CEMIP: variants seen among roughly 807,000 people sequenced by gnomAD.
CEMIP encodes cell migration inducing hyaluronidase 1.
CEMIP carries 105 observed loss-of-function variants against 156.9 expected under a neutral mutation model. The observed-to-expected ratio is 0.67, with a 90% CI of 0.57 to 0.79. CEMIP has a LOEUF of 0.79. Ranked by LOEUF, CEMIP falls within the 30% of genes least tolerant of loss-of-function variation. The probability of loss-of-function intolerance (pLI) is 0.00; values close to 1 mark genes in which losing one functional copy is unlikely to be tolerated. For missense variants in CEMIP, 1,457 were observed against 1,769.4 expected, an observed-to-expected ratio of 0.82 and a Z score of 3.17; for synonymous variants, 676 against 668.4, an observed-to-expected ratio of 1.01 and a Z score of -0.17.
At chr15:80,948,664 A>T in intron 29 of CEMIP, 133 bp from the exon 30 acceptor site, 1 of 1,194,886 alleles carries the variant, frequency 8.4e-7, no homozygotes, top group Non-Finnish European at 1.2e-6. Flanking sequence ...GCTCTTCCCA[A>T]GGGGCCACAG....
At chr15:80,797,142 G>A (rs2141593114) in intron 1 of CEMIP, among the ~76,000 whole-genome samples, 1 of 152,274 alleles carries the variant, frequency 6.6e-6, no homozygotes, top group African/African-American at 2.4e-5. Context: ...TGACGAACCT[G>A]GCCAGAACTG....
chr15:80,790,839 C>T (rs576591007), intron 1 of CEMIP, among the ~76,000 whole-genome samples: 2 of 152,278 alleles, frequency 1.3e-5, no homozygotes, highest in Non-Finnish European at 2.9e-5. Context: ...GAGATGACTC[C>T]GTTGCATTTC....
Position 80,808,164 on chromosome 15 carries a change from A to G in CEMIP, c.-176+28550A>G, listed in dbSNP as rs59735462. Among the ~76,000 whole-genome samples, 1,178 of 152,304 alleles carry G rather than the reference A, an allele frequency of 7.7e-3. 13 individuals are homozygous for G. Among genetic ancestry groups the G allele is most frequent in the African/African-American group, 0.027 (1,107 of 41,538 alleles). The stretch of plus-strand genomic sequence containing the variant: ...TCTTTATAGATGAAGCTAAGGCTCA[A>G]TAGGGAGAACTAAGTCATCCAAGAT... On this transcript the variant is annotated intron_variant, in intron 1 of 29. Coordinates refer to ENST00000394685, the MANE Select transcript of CEMIP (RefSeq NM_001293298.2).
intron 1 of CEMIP, among the ~76,000 whole-genome samples, chr15:80,791,730 T>C (rs576262192): frequency 6.6e-6 from 1 of 152,316 alleles, no homozygotes; most frequent in South Asian, 2.1e-4. Flanking sequence ...TTGTGAGCTG[T>C]GCAGATATTA....
rs1256499352 is a variant in CEMIP, at chr15:80,895,885, A to C, written c.1236A>C (p.Thr412=). Residue 412 remains threonine, a synonymous_variant, in exon 12 of 30, where the codon ACA becomes ACC. Coordinates refer to ENST00000394685, the MANE Select transcript of CEMIP (RefSeq NM_001293298.2). Reference sequence around the variant, plus strand: ...GGGTTACAGTGAGGCCCAAACTCACAGTCACCATTGACACCAATGTGAACA... The same window carrying C: ...GGGTTACAGTGAGGCCCAAACTCACCGTCACCATTGACACCAATGTGAACA... ...LCGKPVRPKL[T]VTIDTNVNST... 3 of 1,614,092 alleles carry C rather than the reference A, an allele frequency of 1.9e-6. No homozygotes were observed. Among genetic ancestry groups the C allele is most frequent in the Non-Finnish European group, 2.5e-6 (3 of 1,180,034 alleles).
At chr15:80,842,732 C>CA (rs200649257) in intron 1 of CEMIP, among the ~76,000 whole-genome samples, 17 of 149,924 alleles carry the variant, frequency 1.1e-4, no homozygotes, top group East Asian at 3.9e-4. Flanking sequence ...GACTCCATCT[C>CA]AAAAAAAAAG....
chr15:80,850,286 C>CT (rs551663934), intron 1 of CEMIP, among the ~76,000 whole-genome samples: 293 of 151,908 alleles, frequency 1.9e-3, no homozygotes, highest in African/African-American at 6.9e-3. Flanking sequence ...TTGTCATCTT[C>CT]TTTTTTTTGA....
At chr15:80,836,287 C>G (rs1003915000) in intron 1 of CEMIP, among the ~76,000 whole-genome samples, 6 of 152,160 alleles carry the variant, frequency 3.9e-5, no homozygotes, top group Non-Finnish European at 8.8e-5. Context: ...GCATCTTTTT[C>G]AGGACTGGTG....
chr15:80,901,176 T>TA (rs1899520959), intron 12 of CEMIP, among the ~76,000 whole-genome samples: 1 of 152,126 alleles, frequency 6.6e-6, no homozygotes, highest in South Asian at 2.1e-4. Context: ...ATGCCACTAT[T>TA]AGCTAGAATT....
rs776099472 is a variant in CEMIP, at chr15:80,906,674, T to C, written c.1423T>C (p.Tyr475His). The change falls in exon 13 of 30, where the codon TAC becomes CAC. Residue 475 changes from tyrosine (Y) to histidine (H), a missense_variant. This residue lies in a region of CEMIP where 280 missense variants were observed against 300.3 expected (regional missense o/e 0.93). Coordinates refer to ENST00000394685, the MANE Select transcript of CEMIP (RefSeq NM_001293298.2). The surrounding 1 kb of genome is among the most constrained non-coding windows in gnomAD (Gnocchi z 4.3). ...NQVKVAGKPM[Y>H]LHIGEEIDGV... ...CCTTTCTGCCCTAGGGAAACCAATGTACCTGCACATCGGGGAGGAGATAGA... is the reference window on the plus strand; with the variant it reads ...CCTTTCTGCCCTAGGGAAACCAATGCACCTGCACATCGGGGAGGAGATAGA... 2 of 1,613,684 alleles carry C rather than the reference T, an allele frequency of 1.2e-6. No homozygotes were observed. Among genetic ancestry groups the C allele is most frequent in the Non-Finnish European group, 1.7e-6 (2 of 1,179,676 alleles).
At chr15:80,928,874 C>G in intron 19 of CEMIP, 28 bp from the exon 20 acceptor site, 1 of 1,613,090 alleles carries the variant, frequency 6.2e-7, no homozygotes, top group Non-Finnish European at 8.5e-7. Context: ...AGGGCATGCT[C>G]TGACTATCTA....
intron 1 of CEMIP, among the ~76,000 whole-genome samples, chr15:80,792,585 A>G (rs1234319770): frequency 2.0e-5 from 3 of 152,260 alleles, no homozygotes; most frequent in Non-Finnish European, 4.4e-5. Context: ...ATGATCTTGT[A>G]CATACTAGGT....
chr15:80,825,626 C>T (rs766189267), intron 1 of CEMIP, among the ~76,000 whole-genome samples: 8 of 152,210 alleles, frequency 5.3e-5, no homozygotes, highest in Non-Finnish European at 1.5e-5. Flanking sequence ...AAAGCCATTG[C>T]GCCTTCTCAT....
chr15:80,903,542 T>C (rs1187277074), intron 12 of CEMIP, among the ~76,000 whole-genome samples: 2 of 152,210 alleles, frequency 1.3e-5, no homozygotes, highest in Non-Finnish European at 2.9e-5. Flanking sequence ...AGAGGGTATG[T>C]GGGAGTGATG....
At chr15:80,855,080 AG>A (rs1273265129) in intron 1 of CEMIP, among the ~76,000 whole-genome samples, 2 of 152,330 alleles carry the variant, frequency 1.3e-5, no homozygotes, top group African/African-American at 4.8e-5. Flanking sequence ...CTAGCCACTC[AG>A]GTGGCTGAGA....
At chr15:80,929,250 TG>T in intron 21 of CEMIP, 76 bp downstream of exon 21, 1 of 1,548,276 alleles carries the variant, frequency 6.5e-7, no homozygotes, top group Non-Finnish European at 8.9e-7. Flanking sequence ...AAAAAGTTAA[TG>T]GGTAGTTTCT....
intron 7 of CEMIP, among the ~76,000 whole-genome samples, chr15:80,884,945 T>C (rs1898784765): frequency 6.6e-6 from 1 of 152,186 alleles, no homozygotes; most frequent in African/African-American, 2.4e-5. Flanking sequence ...AGGATACATA[T>C]GCAGGACGTG....
chr15:80,825,396 G>GA lies in CEMIP; in HGVS notation c.-176+45789dup, dbSNP rs559673447. On this transcript the variant is annotated intron_variant, in intron 1 of 29. Coordinates refer to ENST00000394685, the MANE Select transcript of CEMIP (RefSeq NM_001293298.2). ...ACATAGTAGTGAATAGCTGAACCAG[G>GA]AAAAAAATGTACAATTCCTAACTTC... Among the ~76,000 whole-genome samples, 341 of 152,210 alleles carry GA rather than the reference G, an allele frequency of 2.2e-3. 2 individuals are homozygous for GA. Among genetic ancestry groups the GA allele is most frequent in the African/African-American group, 7.9e-3 (327 of 41,538 alleles).
chr15:80,878,887 C>T lies in CEMIP; in HGVS notation c.241+20C>T. On this transcript the variant is annotated intron_variant, in intron 4 of 29. Coordinates refer to ENST00000394685, the MANE Select transcript of CEMIP (RefSeq NM_001293298.2). Reference sequence around the variant, plus strand: ...AGGGAGGTAAGCCAATCTCTCTCTGCTGCTCCCTCTTCCCTCCACTGCCCC... The same window carrying T: ...AGGGAGGTAAGCCAATCTCTCTCTGTTGCTCCCTCTTCCCTCCACTGCCCC... 1 of 1,614,058 alleles carries T rather than the reference C, an allele frequency of 6.2e-7. No individual in the cohort carries two copies. The highest frequency in any genetic ancestry group is 8.5e-7 in the Non-Finnish European group (1 of 1,179,916).
Sources: gnomAD v4.1 joint callset for allele counts (sites outside exome capture counted in the v4.1 genomes callset) on GRCh38, gnomAD v4.1.1 for gene constraint, gnomAD v4.1.1 regional missense constraint, Gnocchi (gnomAD v3.1) non-coding constraint, MANE v1.5 for transcripts, NCBI Gene and HGNC (gene_info 2026-07-23, HGNC 2026-07-21) for gene names.